CDKL1: variants seen among roughly 807,000 people sequenced by gnomAD.
CDKL1 encodes cyclin-dependent kinase-like 1.
A neutral mutation model predicts 42.0 loss-of-function variants in CDKL1; 41 were observed. The observed-to-expected ratio is 0.98, with a 90% confidence interval of 0.76 to 1.27. The LOEUF is 1.27. Among genes scored for constraint, CDKL1 ranks in the 50% most tolerant of loss-of-function variants. The probability of loss-of-function intolerance (pLI) is 0.00; values close to 1 mark genes in which losing one functional copy is unlikely to be tolerated. For synonymous variants in CDKL1, 153 were observed against 158.6 expected, an observed-to-expected ratio of 0.96 and a Z score of 0.26; for missense variants, 394 against 428.4, an observed-to-expected ratio of 0.92 and a Z score of 0.71.
intron 3 of CDKL1, among the ~76,000 whole-genome samples, chr14:50,353,171 T>C (rs1485732363): frequency 6.6e-6 from 1 of 151,946 alleles, no homozygotes; most frequent in African/African-American, 2.4e-5. Flanking sequence ...CAGAAAGCAA[T>C]CTCTGTCTCT....
intron 4 of CDKL1, chr14:50,342,431 C>A: frequency 3.8e-6 from 5 of 1,325,254 alleles, no homozygotes; most frequent in South Asian, 4.3e-5. Context: ...CCCAAAAGAG[C>A]CAAGAAGAGT....
At chr14:50,379,879 T>A (rs539201013) in intron 2 of CDKL1, among the ~76,000 whole-genome samples, 1 of 152,338 alleles carries the variant, frequency 6.6e-6, no homozygotes, top group East Asian at 1.9e-4. Context: ...TGTGGCTATT[T>A]ACCAGAGTAA....
At chr14:50,358,973 T>C (rs536964951) in intron 3 of CDKL1, 55 bp downstream of exon 3, 16 of 1,572,510 alleles carry the variant, frequency 1.0e-5, no homozygotes, top group Non-Finnish European at 1.4e-5. Flanking sequence ...TTGCCACTTT[T>C]CGCTCACAAA....
intron 2 of CDKL1, among the ~76,000 whole-genome samples, chr14:50,364,978 A>T (rs2034397740): frequency 6.6e-6 from 1 of 152,196 alleles, no homozygotes; most frequent in African/African-American, 2.4e-5. Context: ...AGCTATGATA[A>T]ATGTTATAAA....
At chr14:50,390,990 A>G (rs1430813333) in intron 2 of CDKL1, among the ~76,000 whole-genome samples, 1 of 152,154 alleles carries the variant, frequency 6.6e-6, no homozygotes, top group African/African-American at 2.4e-5. Context: ...GCATGCCACC[A>G]TGCCCAGCTA....
At chr14:50,333,571 A>G (rs2033087794) in intron 8 of CDKL1, 1 of 152,218 alleles carries the variant, frequency 6.6e-6, no homozygotes, top group Non-Finnish European at 1.5e-5. Flanking sequence ...AACTGTAAGT[A>G]TACTCAGTTG....
intron 2 of CDKL1, among the ~76,000 whole-genome samples, chr14:50,360,862 C>T (rs999440996): frequency 1.3e-5 from 2 of 151,706 alleles, no homozygotes; most frequent in African/African-American, 2.4e-5. Context: ...GTCCTCAAGG[C>T]TCACCCAAGT....
chr14:50,341,564 A>G (rs11620781), intron 5 of CDKL1, among the ~76,000 whole-genome samples: 107,766 of 150,720 alleles, frequency 0.72, 38,683 homozygotes, highest in East Asian at 0.81. Context: ...GGTTTGCTTC[A>G]GCCCAGGAGT....
At chr14:50,380,590 A>G (rs2034875236) in intron 2 of CDKL1, among the ~76,000 whole-genome samples, 1 of 152,148 alleles carries the variant, frequency 6.6e-6, no homozygotes, top group South Asian at 2.1e-4. Context: ...ATCCACAAGG[A>G]CCTTAATTGT....
At chr14:50,353,073 T>C (rs2033950802) in intron 3 of CDKL1, among the ~76,000 whole-genome samples, 1 of 152,220 alleles carries the variant, frequency 6.6e-6, no homozygotes, top group Admixed American at 6.5e-5. Context: ...GTCAGTCAAA[T>C]CTAACAAGCC....
chr14:50,336,389 C>T (rs953191808), intron 7 of CDKL1, among the ~76,000 whole-genome samples: 10 of 152,096 alleles, frequency 6.6e-5, no homozygotes, highest in African/African-American at 2.4e-4. Flanking sequence ...CAGGAAATCA[C>T]TAGGGATATT....
In CDKL1 at chr14:50,342,932, G is replaced by C. The variant is rs150469270; in HGVS notation, c.364-710C>G. The stretch of plus-strand genomic sequence containing the variant: ...CTCTGGGGAGAGTCGCTAGATGTCA[G>C]CTCTGTCCCACACACAAGTGCTCTG... On this transcript the variant is annotated intron_variant, in intron 4 of 9. Transcript: ENST00000395834. The C allele has an allele frequency of 9.6e-5, 130 of 1,353,920 alleles. No individual in the cohort carries two copies. In the African/African-American group the frequency reaches 1.7e-3, roughly 18 times the overall value. The allele number at this position is 1,353,920 out of a possible 1,614,324, so 83.9% of individuals were successfully genotyped here. A position where few individuals can be genotyped will look rare whatever the true frequency, so the allele number is the denominator to read the frequency against.
intron 3 of CDKL1, chr14:50,358,233 C>G: frequency 5.8e-6 from 6 of 1,026,470 alleles, no homozygotes; most frequent in Non-Finnish European, 7.6e-6. Flanking sequence ...TGTTTTTCAC[C>G]TATGCTTGCT....
chr14:50,353,622 A>G (rs1250967903), intron 3 of CDKL1, among the ~76,000 whole-genome samples: 1 of 152,248 alleles, frequency 6.6e-6, no homozygotes. Flanking sequence ...ATATTTATCA[A>G]TAGGAGATTG....
chr14:50,333,215 G>C (rs2033067855), intron 8 of CDKL1: 1 of 152,180 alleles, frequency 6.6e-6, no homozygotes, highest in Non-Finnish European at 1.5e-5. Flanking sequence ...GCATTCCCAG[G>C]AGGTTTGGCA....
intron 2 of CDKL1, among the ~76,000 whole-genome samples, chr14:50,375,844 T>C (rs6572662): frequency 0.4 from 60,425 of 151,620 alleles, 12,460 homozygotes; most frequent in East Asian, 0.63. Flanking sequence ...GTACACTTGA[T>C]GGGATGGGAC....
rs745344422 is a variant in CDKL1, at chr14:50,341,218, A to C, written c.469T>G (p.Tyr157Asp). 1 of 1,606,006 alleles carries C rather than the reference A, an allele frequency of 6.2e-7. No homozygotes were observed. The highest frequency in any genetic ancestry group is 8.5e-7 in the Non-Finnish European group (1 of 1,174,214). Reference sequence around the variant, plus strand: ...CTGGTAGCCACGTAGTCTGTATAGTAGTCACTCGGTCCAGCTAGCCAGTGA... The same window carrying C: ...CTGGTAGCCACGTAGTCTGTATAGTCGTCACTCGGTCCAGCTAGCCAGTGA... ...FARLLTGPSD[Y>D]YTDYVATRWY... Residue 157 changes from tyrosine (Y) to aspartate (D), a missense_variant, in exon 6 of 10, where the codon TAC (tyrosine) becomes GAC (aspartate). Coordinates refer to ENST00000395834, the MANE Select transcript of CDKL1 (RefSeq NM_004196.7).
intron 2 of CDKL1, among the ~76,000 whole-genome samples, chr14:50,389,259 G>A (rs939030079): frequency 1.3e-5 from 2 of 152,020 alleles, no homozygotes; most frequent in Non-Finnish European, 2.9e-5. Flanking sequence ...TACTATTCAC[G>A]ATGAATTAAA....
rs554214923 is a variant in CDKL1 at position 50,393,029 on chromosome 14, G to A, written c.168+2672C>T. 2.6e-5 allele frequency among the ~76,000 whole-genome samples: 4 copies of A among 152,236 alleles called. No homozygotes were observed. The East Asian group carries it at 7.7e-4, about 29-fold the overall frequency. On this transcript the variant is annotated intron_variant, in intron 2 of 9. Coordinates refer to ENST00000395834, the MANE Select transcript of CDKL1 (RefSeq NM_004196.7). ...TCCCTGGCCTGTTAGCACCCACTGG[G>A]CATCTTGGCTAAGACACTGGGTTAT... is the stretch of plus-strand genomic sequence containing the variant.
Sources: allele counts gnomAD v4.1 joint callset (sites outside exome capture counted in the v4.1 genomes callset), GRCh38; gene constraint gnomAD v4.1.1; transcripts MANE v1.5; gene names NCBI Gene and HGNC (gene_info 2026-07-23, HGNC 2026-07-21).